The following NRXN3 variants were observed in gnomAD, a reference collection of about 807,000 sequenced individuals.
NRXN3 encodes neurexin III.
Under a neutral mutation model 137.6 loss-of-function variants are expected in NRXN3, and 32 were observed. The observed-to-expected ratio is 0.23, with a 90% CI of 0.18 to 0.31. NRXN3 has a LOEUF of 0.31. NRXN3 is among the 10% of genes least tolerant of loss of function. NRXN3 has a pLI of 1.00. For synonymous variants in NRXN3, 798 were observed against 784.5 expected, an observed-to-expected ratio of 1.02 and a Z score of -0.29; for missense variants, 1,574 against 2,062.5, an observed-to-expected ratio of 0.76 and a Z score of 4.59.
chr14:78,227,814 A>T (rs1318590731), intron 1 of NRXN3, among the ~76,000 whole-genome samples: 1 of 152,210 alleles, frequency 6.6e-6, no homozygotes, highest in Non-Finnish European at 1.5e-5. Context: ...CTAGAACGTC[A>T]TAGAGTTTAA....
intron 4 of NRXN3, among the ~76,000 whole-genome samples, chr14:78,319,304 G>A (rs775782121): frequency 1.3e-5 from 2 of 152,132 alleles, no homozygotes; most frequent in Non-Finnish European, 2.9e-5. Context: ...CTCTGTCTCC[G>A]TGTCTGTATG....
At chr14:78,376,660 C>T (rs2087905435) in intron 4 of NRXN3, among the ~76,000 whole-genome samples, 1 of 152,146 alleles carries the variant, frequency 6.6e-6, no homozygotes, top group African/African-American at 2.4e-5. Context: ...AAGCTGGAAA[C>T]ATCAATCTAC....
chr14:78,880,819 C>A (rs1421846075), intron 10 of NRXN3, among the ~76,000 whole-genome samples: 3 of 152,020 alleles, frequency 2.0e-5, no homozygotes, highest in Non-Finnish European at 2.9e-5. Context: ...CTTTCAAGAA[C>A]CTTTACAGGC....
intron 4 of NRXN3, among the ~76,000 whole-genome samples, chr14:78,461,141 G>A (rs1418791242): frequency 2.6e-5 from 4 of 152,294 alleles, no homozygotes; most frequent in South Asian, 2.1e-4. Flanking sequence ...ACAGGTCACC[G>A]TTTTTCCTGG....
At chr14:78,976,016 G>A (rs1464612657) in intron 14 of NRXN3, among the ~76,000 whole-genome samples, 3 of 152,090 alleles carry the variant, frequency 2.0e-5, no homozygotes, top group Admixed American at 1.3e-4. Flanking sequence ...TGGACAGAAT[G>A]ACAGCTTCTA....
intron 4 of NRXN3, among the ~76,000 whole-genome samples, chr14:78,441,019 T>C (rs2094226591): frequency 6.6e-6 from 1 of 152,178 alleles, no homozygotes; most frequent in African/African-American, 2.4e-5. Context: ...GCAGTCTGTC[T>C]GTCTGTCTTG....
chr14:78,696,037 T>G lies in NRXN3; in HGVS notation c.1222-13180T>G, dbSNP rs147342734. 4.4e-3 allele frequency among the ~76,000 whole-genome samples: 677 copies of G among 152,188 alleles called. 9 individuals carry two copies. The highest frequency in any genetic ancestry group is 0.016 in the African/African-American group (651 of 41,504). ...AGGCTTTGGCAGGTGCTCCTAAACATGCTTCATCCATGCCTACTTGAGTGT... is the reference window on the plus strand; with the variant it reads ...AGGCTTTGGCAGGTGCTCCTAAACAGGCTTCATCCATGCCTACTTGAGTGT... On this transcript the variant is annotated intron_variant, in intron 6 of 20. Coordinates refer to ENST00000335750, the MANE Select transcript of NRXN3 (RefSeq NM_001330195.2).
At chr14:78,607,457 C>T (rs905214548) in intron 4 of NRXN3, among the ~76,000 whole-genome samples, 49 of 151,100 alleles carry the variant, frequency 3.2e-4, no homozygotes, top group African/African-American at 1.2e-3. Flanking sequence ...GTGATCTCAC[C>T]TCCTTTGGCT....
chr14:79,636,727 G>A (rs935726801), intron 16 of NRXN3, among the ~76,000 whole-genome samples: 15 of 152,272 alleles, frequency 9.9e-5, no homozygotes, highest in Middle Eastern at 3.4e-3. Context: ...GAGGGCAATT[G>A]CATCCACACC....
intron 19 of NRXN3, among the ~76,000 whole-genome samples, chr14:79,707,783 C>A (rs115716686): frequency 0.013 from 1,902 of 150,450 alleles, 14 homozygotes; most frequent in Non-Finnish European, 0.018. Context: ...GTGTCTTGGG[C>A]ACACACACAC....
At chr14:78,359,453 C>T (rs1359389841) in intron 4 of NRXN3, among the ~76,000 whole-genome samples, 3 of 152,184 alleles carry the variant, frequency 2.0e-5, no homozygotes, top group Non-Finnish European at 2.9e-5. Flanking sequence ...CCATTGGCTT[C>T]TTAAAATTCT....
At chr14:79,037,719 A>G (rs751482353) in intron 15 of NRXN3, among the ~76,000 whole-genome samples, 1 of 147,958 alleles carries the variant, frequency 6.8e-6, no homozygotes, top group Non-Finnish European at 1.5e-5. Context: ...GAGCTGAGCT[A>G]AGAGCCATTG....
chr14:79,597,705 G>A (rs1454189843), intron 16 of NRXN3, among the ~76,000 whole-genome samples: 1 of 152,158 alleles, frequency 6.6e-6, no homozygotes, highest in East Asian at 1.9e-4. Flanking sequence ...GCAACTTGTT[G>A]AAAGTGGAGG....
In NRXN3 at chr14:79,280,126, ATT is replaced by A; in HGVS notation, c.3263-187090_3263-187089del. 2.1e-6 allele frequency: 3 copies of A among 1,437,656 alleles called. No individual in the cohort carries two copies. The South Asian group carries it at 4.8e-5, about 23-fold the overall frequency. 89.1% of individuals were successfully genotyped at this position (1,437,656 alleles called of 1,614,324 possible). On this transcript the variant is annotated intron_variant, in intron 15 of 20. Coordinates refer to ENST00000335750, the MANE Select transcript of NRXN3 (RefSeq NM_001330195.2). ...TTTTTTTTTCTTTCTTTAAGTAGTA[ATT>A]TTTTAACTGATTCATTGTTTGGAAA...
At chr14:79,575,276 TC>T (rs2097653468) in intron 16 of NRXN3, among the ~76,000 whole-genome samples, 1 of 152,156 alleles carries the variant, frequency 6.6e-6, no homozygotes, top group African/African-American at 2.4e-5. Flanking sequence ...TTCTTAGGCT[TC>T]TAAGCCCTCC....
At chr14:79,603,354 C>T (rs548906581) in intron 16 of NRXN3, among the ~76,000 whole-genome samples, 9 of 152,280 alleles carry the variant, frequency 5.9e-5, no homozygotes, top group African/African-American at 2.2e-4. Context: ...TCCTGCACCC[C>T]AAGCTGGAAT....
chr14:79,556,033 T>G (rs191706029), intron 16 of NRXN3, among the ~76,000 whole-genome samples: 1 of 152,092 alleles, frequency 6.6e-6, no homozygotes, highest in Non-Finnish European at 1.5e-5. Flanking sequence ...CACAGGCCCC[T>G]CTCTTCAGCA....
At chr14:78,518,123 A>T (rs1449956596) in intron 4 of NRXN3, among the ~76,000 whole-genome samples, 4 of 152,208 alleles carry the variant, frequency 2.6e-5, no homozygotes, top group African/African-American at 9.6e-5. Context: ...ATGCCCTCTC[A>T]TGAGACCTTT....
In NRXN3 at chr14:79,537,807, A is replaced by T. The variant is rs556753431; in HGVS notation, c.3444+70405A>T. On this transcript the variant is annotated intron_variant, in intron 16 of 20. Coordinates refer to ENST00000335750, the MANE Select transcript of NRXN3 (RefSeq NM_001330195.2). ...TTTATAATCCTTTGGGTATATACCC[A>T]CTAATGGGATTGCTGGGTCAAATGG... Among the ~76,000 whole-genome samples, 3 of 152,316 alleles carry T rather than the reference A, an allele frequency of 2.0e-5. No homozygotes were observed. The East Asian group carries it at 5.8e-4, about 29-fold the overall frequency.
Sources: gnomAD v4.1 joint callset for allele counts (sites outside exome capture counted in the v4.1 genomes callset) on GRCh38, gnomAD v4.1.1 for gene constraint, MANE v1.5 for transcripts, NCBI Gene and HGNC (gene_info 2026-07-23, HGNC 2026-07-21) for gene names.